PNLIPRP3: variants seen among roughly 807,000 people sequenced by gnomAD.
PNLIPRP3 encodes pancreatic lipase related protein 3.
Under a neutral mutation model 52.8 loss-of-function variants are expected in PNLIPRP3, and 58 were observed. That is an observed-to-expected ratio of 1.10 (90% CI 0.89 to 1.37). PNLIPRP3 has a LOEUF of 1.37. Among genes scored for constraint, PNLIPRP3 ranks in the 40% most tolerant of loss-of-function variants. The probability of loss-of-function intolerance (pLI) is 0.00; values close to 1 mark genes in which losing one functional copy is unlikely to be tolerated. For missense variants in PNLIPRP3, 593 were observed against 561.6 expected, an observed-to-expected ratio of 1.06 and a Z score of -0.57; for synonymous variants, 192 against 185.0, an observed-to-expected ratio of 1.04 and a Z score of -0.31.
At chr10:116,444,649 T>A (rs1845917374) in intron 4 of PNLIPRP3, 136 bp downstream of exon 4, 1 of 891,476 alleles carries the variant, frequency 1.1e-6, no homozygotes, top group Non-Finnish European at 1.7e-6. Flanking sequence ...CATTTGTATA[T>A]GGCAGACAAA....
intron 1 of PNLIPRP3, among the ~76,000 whole-genome samples, chr10:116,432,653 G>A (rs925285759): frequency 3.3e-5 from 5 of 152,086 alleles, no homozygotes; most frequent in Non-Finnish European, 7.4e-5. Context: ...CCTCAGATGT[G>A]GATGAAGTTA....
chr10:116,455,636 T>C, intron 4 of PNLIPRP3, 86 bp from the exon 5 acceptor site: 1 of 765,266 alleles, frequency 1.3e-6, no homozygotes. Context: ...ACCATGTTGA[T>C]CCTTTTTTTT....
chr10:116,447,757 G>A (rs1845973207), intron 4 of PNLIPRP3, among the ~76,000 whole-genome samples: 1 of 152,086 alleles, frequency 6.6e-6, no homozygotes, highest in African/African-American at 2.4e-5. Flanking sequence ...TCAGCATGGT[G>A]AAACCCCATC....
Position 116,461,148 on chromosome 10 carries a change from C to T in PNLIPRP3, c.686-20C>T. ...AGAGGAGATTTTTAGAGGCATTTAC[C>T]CTGTTTTTATTTATTTCAGGTGTTG... On this transcript the variant is annotated intron_variant, in intron 6 of 11. Coordinates refer to ENST00000369230, the MANE Select transcript of PNLIPRP3 (RefSeq NM_001011709.3). The T allele has an allele frequency of 6.2e-7, 1 of 1,614,016 alleles. No homozygotes were observed. Among genetic ancestry groups the T allele is most frequent in the East Asian group, 2.2e-5 (1 of 44,872 alleles).
At position 116,454,036 on chromosome 10, in the gene PNLIPRP3, T is replaced by C. The variant is rs984320075; in HGVS notation, c.457-1686T>C. On this transcript the variant is annotated intron_variant, in intron 4 of 11. Transcript: ENST00000369230. ...ACTTACGAGTGAGAACATTCAGTGT[T>C]TGGTTTTCTGTTCTGGTGTTAGTTT... Among the ~76,000 whole-genome samples, 6 of 152,256 alleles carry C rather than the reference T, an allele frequency of 3.9e-5. 1 individual carries two copies. The East Asian group carries it at 1.2e-3, about 29-fold the overall frequency.
chr10:116,453,833 T>C (rs536561314), intron 4 of PNLIPRP3, among the ~76,000 whole-genome samples: 1 of 152,224 alleles, frequency 6.6e-6, no homozygotes, highest in African/African-American at 2.4e-5. Flanking sequence ...GTTTTTTACA[T>C]AGGTATAGAC....
chr10:116,449,319 G>T (rs543092487), intron 4 of PNLIPRP3, among the ~76,000 whole-genome samples: 16 of 152,290 alleles, frequency 1.1e-4, no homozygotes, highest in Non-Finnish European at 1.8e-4. Context: ...GTTTTGAAAA[G>T]ATTTAACTAC....
intron 3 of PNLIPRP3, 141 bp downstream of exon 3, chr10:116,443,315 T>C: frequency 1.1e-6 from 1 of 889,850 alleles, no homozygotes; most frequent in Non-Finnish European, 1.5e-6. Flanking sequence ...GGGCCTCAAA[T>C]TAGTTATCCA....
intron 10 of PNLIPRP3, 79 bp from the exon 11 acceptor site, chr10:116,476,573 T>C (rs1564707407): frequency 5.2e-6 from 6 of 1,150,192 alleles, no homozygotes; most frequent in Non-Finnish European, 2.4e-6. Flanking sequence ...TCTTCCATAG[T>C]GCATACACAG....
rs150121203 is a variant in PNLIPRP3 at position 116,432,453 on chromosome 10, A to G, written c.50-4258A>G. Among the ~76,000 whole-genome samples the G allele has an allele frequency of 4.1e-3, 628 of 152,344 alleles. 4 individuals are homozygous for G. Among genetic ancestry groups the G allele is most frequent in the African/African-American group, 0.015 (604 of 41,578 alleles). On this transcript the variant is annotated intron_variant, in intron 1 of 11. Transcript: ENST00000369230. ...TCAACTAGAGAATATATTAAAATAC[A>G]ATGACTCAAGAACTGAAGAAAGTGG...
intron 7 of PNLIPRP3, among the ~76,000 whole-genome samples, chr10:116,464,044 G>A (rs907643955): frequency 6.6e-6 from 1 of 152,058 alleles, no homozygotes; most frequent in Non-Finnish European, 1.5e-5. Context: ...AGAATGTTAT[G>A]AAAATTTTGG....
At chr10:116,438,366 C>T (rs1845807606) in intron 2 of PNLIPRP3, among the ~76,000 whole-genome samples, 1 of 152,146 alleles carries the variant, frequency 6.6e-6, no homozygotes, top group Admixed American at 6.5e-5. Context: ...GAATCTGTAA[C>T]CTCAGGGCTT....
chr10:116,445,753 G>A (rs1845939489), intron 4 of PNLIPRP3, among the ~76,000 whole-genome samples: 3 of 152,172 alleles, frequency 2.0e-5, no homozygotes, highest in Non-Finnish European at 4.4e-5. Context: ...CCTTGAAGTG[G>A]GAAAAGGGTT....
chr10:116,430,300 T>C (rs1347644122), intron 1 of PNLIPRP3, among the ~76,000 whole-genome samples: 1 of 152,038 alleles, frequency 6.6e-6, no homozygotes, highest in African/African-American at 2.4e-5. Flanking sequence ...GGCATGAAGA[T>C]GTTGGAGGTT....
chr10:116,464,246 G>A (rs1846242961), intron 7 of PNLIPRP3, among the ~76,000 whole-genome samples: 1 of 152,180 alleles, frequency 6.6e-6, no homozygotes, highest in East Asian at 1.9e-4. Flanking sequence ...AGGGAGTTCA[G>A]TTATTCTTGC....
intron 2 of PNLIPRP3, chr10:116,439,480 C>T: frequency 2.8e-6 from 2 of 712,692 alleles, no homozygotes; most frequent in Non-Finnish European, 5.0e-6. Flanking sequence ...TCCTCCTATT[C>T]TTCCTCCCCG....
intron 2 of PNLIPRP3, among the ~76,000 whole-genome samples, chr10:116,442,495 T>C (rs1845872938): frequency 6.6e-6 from 1 of 152,214 alleles, no homozygotes; most frequent in South Asian, 2.1e-4. Context: ...CTTCCCAACA[T>C]TGTCTTGCAA....
intron 5 of PNLIPRP3, among the ~76,000 whole-genome samples, chr10:116,456,689 T>C (rs559140407): frequency 6.6e-6 from 1 of 152,334 alleles, no homozygotes; most frequent in African/African-American, 2.4e-5. Context: ...CCCCACATTC[T>C]GTTTTCCAAA....
chr10:116,460,067 T>C (rs1437262894), intron 5 of PNLIPRP3, among the ~76,000 whole-genome samples: 1 of 152,094 alleles, frequency 6.6e-6, no homozygotes, highest in Admixed American at 6.5e-5. Context: ...CGCCCAGCCA[T>C]GTTTCTTATC....
Sources: allele counts gnomAD v4.1 joint callset (sites outside exome capture counted in the v4.1 genomes callset), GRCh38; gene constraint gnomAD v4.1.1; transcripts MANE v1.5; gene names NCBI Gene and HGNC (gene_info 2026-07-23, HGNC 2026-07-21).